KIT: variants seen among roughly 807,000 people sequenced by gnomAD.
KIT encodes the protein mast/stem cell growth factor receptor Kit.
In KIT, 16 loss-of-function variants were observed where a neutral mutation model predicts 105.7. That is an observed-to-expected ratio of 0.15 (90% confidence interval 0.10 to 0.23). The LOEUF is 0.23. Ranked by LOEUF, KIT falls within the 10% of genes least tolerant of loss-of-function variation. KIT has a pLI of 1.00. For synonymous variants in KIT, 438 were observed against 441.1 expected, an observed-to-expected ratio of 0.99 and a Z score of 0.09; for missense variants, 858 against 1,213.8, an observed-to-expected ratio of 0.71 and a Z score of 4.36.
chr4:54,659,969 CCAGGTTGCTTAGGG>C (rs1717126808), intron 1 of KIT, among the ~76,000 whole-genome samples: 2 of 152,036 alleles, frequency 1.3e-5, no homozygotes, highest in Non-Finnish European at 2.9e-5. Context: ...GTGCCCTTGG[CCAGGTTGCTTAGGG>C]CAGGTTGCTT....
At chr4:54,714,686 T>C (rs1316148579) in intron 7 of KIT, among the ~76,000 whole-genome samples, 1 of 152,210 alleles carries the variant, frequency 6.6e-6, no homozygotes, top group East Asian at 1.9e-4. Flanking sequence ...GTTCAAAACA[T>C]GATCTGGTAG....
At chr4:54,680,643 CCGGCCTCCCAAAGTG>C (rs1380106027) in intron 1 of KIT, among the ~76,000 whole-genome samples, 1 of 151,902 alleles carries the variant, frequency 6.6e-6, no homozygotes, top group Non-Finnish European at 1.5e-5. Flanking sequence ...TCCACATGCC[CCGGCCTCCCAAAGTG>C]CTGGGATTAC....
At chr4:54,691,165 G>C (rs1397365555) in intron 1 of KIT, among the ~76,000 whole-genome samples, 1 of 152,104 alleles carries the variant, frequency 6.6e-6, no homozygotes, top group East Asian at 1.9e-4. Flanking sequence ...GTTGACATCT[G>C]TTATAGGGAC....
chr4:54,694,441 T>G (rs892179828), intron 1 of KIT, among the ~76,000 whole-genome samples: 5 of 152,292 alleles, frequency 3.3e-5, no homozygotes, highest in African/African-American at 1.2e-4. Context: ...AGCCTCAACC[T>G]CCTGGGCTTA....
intron 7 of KIT, among the ~76,000 whole-genome samples, chr4:54,720,419 A>G (rs1466079189): frequency 1.3e-5 from 2 of 152,234 alleles, no homozygotes; most frequent in Admixed American, 1.3e-4. Context: ...TGGCTGTTGT[A>G]TAACTGCTAC....
chr4:54,699,212 C>G (rs1035552123), intron 3 of KIT, among the ~76,000 whole-genome samples: 16 of 152,100 alleles, frequency 1.1e-4, no homozygotes, highest in African/African-American at 3.9e-4. Flanking sequence ...TTATTTAAAA[C>G]CTGGGATTTC....
intron 2 of KIT, among the ~76,000 whole-genome samples, chr4:54,697,118 A>C (rs762267760): frequency 6.9e-4 from 105 of 152,238 alleles, no homozygotes; most frequent in Non-Finnish European, 4.6e-4. Flanking sequence ...AAGGTGGGGC[A>C]TCATTGTAGG....
rs139824880 is a variant in KIT, at chr4:54,719,517, T to C, written c.1232-4067T>C. ...TCTGCCTACAAGCTGATCGGTGTTG[T>C]TGGCGATATCAGAATGACTCAGGTC... is the stretch of plus-strand genomic sequence containing the variant. On this transcript the variant is annotated intron_variant, in intron 7 of 20. Coordinates refer to ENST00000288135, the MANE Select transcript of KIT (RefSeq NM_000222.3). Among the ~76,000 whole-genome samples the C allele has an allele frequency of 5.6e-4, 86 of 152,292 alleles. No individual in the cohort carries two copies. In the East Asian group the frequency reaches 7.9e-3, roughly 14 times the overall value.
intron 8 of KIT, 40 bp downstream of exon 8, chr4:54,723,738 G>A (rs2109761696): frequency 9.1e-7 from 1 of 1,103,592 alleles, no homozygotes; most frequent in Non-Finnish European, 1.4e-6. Flanking sequence ...AATGCAGAGG[G>A]GAAGGACTGC....
At chr4:54,707,008 A>G (rs947073243) in intron 5 of KIT, 90 bp from the exon 6 acceptor site, 26 of 735,576 alleles carry the variant, frequency 3.5e-5, no homozygotes, top group South Asian at 2.3e-4. Flanking sequence ...AAATCAACCA[A>G]TTGTTTTTGT....
At chr4:54,663,528 T>C (rs142168042) in intron 1 of KIT, among the ~76,000 whole-genome samples, 1 of 152,286 alleles carries the variant, frequency 6.6e-6, no homozygotes, top group East Asian at 1.9e-4. Flanking sequence ...GTGGTTTTTT[T>C]TTTTCGTATT....
intron 5 of KIT, among the ~76,000 whole-genome samples, chr4:54,704,635 T>C (rs1199127377): frequency 4.6e-5 from 7 of 152,202 alleles, no homozygotes. Context: ...CTTCATGCTT[T>C]TGATTTACTG....
intron 1 of KIT, among the ~76,000 whole-genome samples, chr4:54,659,486 A>G (rs1321387697): frequency 6.6e-6 from 1 of 152,128 alleles, no homozygotes; most frequent in African/African-American, 2.4e-5. Context: ...CGGCGCAATG[A>G]ACGGTTTTGA....
At chr4:54,666,002 A>G (rs942788365) in intron 1 of KIT, among the ~76,000 whole-genome samples, 1 of 152,172 alleles carries the variant, frequency 6.6e-6, no homozygotes, top group Non-Finnish European at 1.5e-5. Flanking sequence ...GCATTAGGCC[A>G]TGTTTAAGGT....
chr4:54,738,359 G>C (rs1723044722), intron 20 of KIT, 70 bp from the exon 21 acceptor site: 2 of 1,565,100 alleles, frequency 1.3e-6, no homozygotes, highest in Non-Finnish European at 8.8e-7. Flanking sequence ...TCTTGACACT[G>C]TAAGTATGCC....
chr4:54,680,974 C>G (rs1718867864), intron 1 of KIT, among the ~76,000 whole-genome samples: 1 of 152,042 alleles, frequency 6.6e-6, no homozygotes, highest in Non-Finnish European at 1.5e-5. Flanking sequence ...GAGACTGCAC[C>G]AGGGCTCCCT....
chr4:54,666,949 G>A (rs1242405856), intron 1 of KIT, among the ~76,000 whole-genome samples: 3 of 152,184 alleles, frequency 2.0e-5, no homozygotes, highest in African/African-American at 7.2e-5. Context: ...GTTAGGTGTG[G>A]CGGGATCTAA....
chr4:54,683,027 C>G (rs1479125177), intron 1 of KIT, among the ~76,000 whole-genome samples: 1 of 152,066 alleles, frequency 6.6e-6, no homozygotes, highest in Non-Finnish European at 1.5e-5. Flanking sequence ...GCTGGGATTA[C>G]AGGTGTGAGC....
rs1276125047 is a variant in KIT, at chr4:54,698,415, C to A, written c.469C>A (p.Pro157Thr). ...CAAGGGGTGCCAGGGGAAGCCTCTT[C>A]CCAAGGACTTGAGGTTTATTCCTGA... Reference protein sequence around the residue: ...SLKGCQGKPLPKDLRFIPDPK... With the variant: ...SLKGCQGKPLTKDLRFIPDPK... Residue 157 changes from proline (P) to threonine (T), a missense_variant, in exon 3 of 21, where the codon CCC (proline) becomes ACC (threonine). Physicochemically the swap from Pro to Thr is conservative, Grantham distance 38. This residue lies in a region of KIT where 401 missense variants were observed against 601.0 expected (regional missense o/e 0.67). Coordinates refer to ENST00000288135, the MANE Select transcript of KIT (RefSeq NM_000222.3). 6.2e-7 allele frequency: 1 copy of A among 1,614,160 alleles called. No homozygotes were observed.
Sources: gnomAD v4.1 joint callset for allele counts (sites outside exome capture counted in the v4.1 genomes callset) on GRCh38, gnomAD v4.1.1 for gene constraint, gnomAD v4.1.1 regional missense constraint, MANE v1.5 for transcripts, NCBI Gene and HGNC (gene_info 2026-07-23, HGNC 2026-07-21) for gene names.